Variants in MADD observed in about 807,000 individuals in gnomAD.
The protein encoded by MADD is MAP kinase activating death domain.
MADD carries 109 observed loss-of-function variants against 176.7 expected under a neutral mutation model. The observed-to-expected ratio is 0.62, with a 90% CI of 0.53 to 0.72. The LOEUF (loss-of-function observed/expected upper bound fraction) is 0.72, where lower values mean the gene tolerates loss of function less well. MADD is among the 30% of genes least tolerant of loss of function. The pLI, the probability that MADD is intolerant of heterozygous loss-of-function variation, is 0.00. For missense variants in MADD, 1,914 were observed against 2,045.5 expected, an observed-to-expected ratio of 0.94 and a Z score of 1.24; for synonymous variants, 771 against 771.3, an observed-to-expected ratio of 1.00 and a Z score of 0.01.
At chr11:47,274,741 C>A (rs747970711) in exon 3 of MADD, 1 of 1,614,116 alleles carries the variant, frequency 6.2e-7, no homozygotes, top group East Asian at 2.2e-5. Flanking sequence ...TGTCTTCACC[C>A]TCACTGACAA....
At chr11:47,294,021 T>C (rs2067882973) in intron 20 of MADD, 38 bp downstream of exon 22, 1 of 1,466,518 alleles carries the variant, frequency 6.8e-7, no homozygotes, top group African/African-American at 1.4e-5. Flanking sequence ...AAGTATTAAA[T>C]ATGCTGTCTC....
intron 24 of MADD, 26 bp downstream of exon 27, chr11:47,309,427 A>C (rs1474467073): frequency 1.2e-6 from 2 of 1,614,074 alleles, no homozygotes; most frequent in Middle Eastern, 1.7e-4. Context: ...AACCATTGGG[A>C]ATCAGCAAAC....
exon 33 of MADD, chr11:47,329,143 C>T (rs771868215): frequency 6.2e-7 from 1 of 1,613,842 alleles, no homozygotes; most frequent in South Asian, 1.1e-5. Context: ...CGGCCTGTCT[C>T]TAGCTGATGG....
intron 22 of MADD, among the ~76,000 whole-genome samples, chr11:47,297,938 A>C (rs1477393740): frequency 2.0e-5 from 3 of 147,178 alleles, no homozygotes; most frequent in Non-Finnish European, 4.5e-5. Context: ...ACAGGCGCCC[A>C]CCACCATGCC....
At position 47,282,842 on chromosome 11, in the gene MADD, A is replaced by T. The variant is rs1436951435; in HGVS notation, c.1735A>T (p.Lys579Ter). Reference sequence around the variant, plus strand: ...GTTTGATCCAGCCCTGATTGGTGACAAGCCAAAGTGGTATGCTCATCAGCT... The same window carrying T: ...GTTTGATCCAGCCCTGATTGGTGACTAGCCAAAGTGGTATGCTCATCAGCT... The change falls in exon 10 of 33, where the codon AAG (lysine) becomes TAG (stop). Residue 579 changes from lysine (K) to a stop codon, truncating the protein, a stop_gained. Transcript: ENST00000402192. LOFTEE classifies it high-confidence loss of function. 1.9e-6 allele frequency: 3 copies of T among 1,614,128 alleles called. No homozygotes were observed. Among genetic ancestry groups the T allele is most frequent in the Non-Finnish European group, 2.5e-6 (3 of 1,180,012 alleles).
In MADD at chr11:47,290,735, C is replaced by T. The variant is rs774147824; in HGVS notation, c.3220C>T (p.Arg1074Trp). Reference sequence around the variant, plus strand: ...ACTGAGAGTTCCACAACTGGGACCTCGGGCACCAAGTGCCACAGGAAAGGG... The same window carrying T: ...ACTGAGAGTTCCACAACTGGGACCTTGGGCACCAAGTGCCACAGGAAAGGG... Residue 1074 changes from arginine to tryptophan, a missense_variant, in exon 19 of 33, where the codon CGG (arginine) becomes TGG (tryptophan). Arg to Trp is a moderately radical substitution (Grantham distance 101, BLOSUM62 -3). Transcript: ENST00000402192. 43 of 1,613,980 alleles carry T rather than the reference C, an allele frequency of 2.7e-5. No homozygotes were observed. The highest frequency in any genetic ancestry group is 1.1e-4 in the South Asian group (10 of 91,088).
At chr11:47,323,675 G>A in exon 28 of MADD, 1 of 1,612,988 alleles carries the variant, frequency 6.2e-7, no homozygotes, top group Non-Finnish European at 8.5e-7. Context: ...CTCCAGGTGT[G>A]CGATGACTGT....
intron 20 of MADD, among the ~76,000 whole-genome samples, chr11:47,295,017 G>GTTTTTTTGT (rs1555055447): frequency 2.0e-5 from 3 of 146,588 alleles, no homozygotes; most frequent in Admixed American, 2.0e-4. Flanking sequence ...TTGTTTTTTT[G>GTTTTTTTGT]TTTTTTTTTT....
chr11:47,309,669 C>T, intron 25 of MADD, 57 bp downstream of exon 28: 2 of 1,361,032 alleles, frequency 1.5e-6, no homozygotes, highest in Non-Finnish European at 2.1e-6. Context: ...AAGGCTTGTT[C>T]CTGTCGCCTA....
rs367761107 is a variant in MADD at position 47,281,928 on chromosome 11, G to T, written c.1469+175G>T. ...CAGCTCACTGCAACTTCCACCTCCC[G>T]GGTTCAAGTGATTCTCCTGCCTCAG... On this transcript the variant is annotated intron_variant, in intron 8 of 32. Transcript: ENST00000402192. Among the ~76,000 whole-genome samples, 380 of 131,688 alleles carry T rather than the reference G, an allele frequency of 2.9e-3. 4 individuals carry two copies. Among genetic ancestry groups the T allele is most frequent in the African/African-American group, 0.01 (359 of 34,832 alleles). 86.4% of individuals were successfully genotyped at this position (131,688 alleles called of 152,430 possible).
Position 47,323,956 on chromosome 11 carries a change from T to TCTCCAGC in MADD, c.4362+121_4362+122insCTCCAGC, listed in dbSNP as rs2094988077. The TCTCCAGC allele has an allele frequency of 2.7e-6, 3 of 1,109,784 alleles. No homozygotes were observed. In the South Asian group the frequency reaches 4.6e-5, roughly 17 times the overall value. 68.7% of individuals were successfully genotyped at this position (1,109,784 alleles called of 1,614,324 possible). The stretch of plus-strand genomic sequence containing the variant: ...GGAGCCACACTTCTGTCTCCAGCTG[T>TCTCCAGC]TGGGTGGAGTACCTAAAGCTGTCTC... On this transcript the variant is annotated intron_variant, in intron 28 of 32. Coordinates refer to ENST00000402192, the Ensembl canonical transcript of MADD.
chr11:47,309,645 G>T (rs1410305178), intron 25 of MADD, 33 bp downstream of exon 28: 4 of 1,521,340 alleles, frequency 2.6e-6, no homozygotes, highest in Middle Eastern at 1.7e-4. Flanking sequence ...CAGCTCCGCT[G>T]ATCCTAGAGG....
chr11:47,292,500 G>C (rs1427977166), intron 19 of MADD, 43 bp from the exon 21 acceptor site: 1 of 1,596,722 alleles, frequency 6.3e-7, no homozygotes, highest in Admixed American at 1.7e-5. Context: ...ACCAGCCTCT[G>C]ACTTTCTGTC....
chr11:47,271,641 G>T (rs1334651038), intron 1 of MADD, among the ~76,000 whole-genome samples: 1 of 152,104 alleles, frequency 6.6e-6, no homozygotes, highest in African/African-American at 2.4e-5. Context: ...AACATAGATT[G>T]CAAGGTGTAG....
intron 12 of MADD, 58 bp downstream of exon 12, chr11:47,284,623 T>C: frequency 1.3e-6 from 2 of 1,569,160 alleles, no homozygotes; most frequent in East Asian, 2.3e-5. Flanking sequence ...GCCTCATCTA[T>C]TAGGAAAGCC....
At position 47,282,979 on chromosome 11, in the gene MADD, C is replaced by T. The variant is rs748618974; in HGVS notation, c.1862+10C>T. 1.2e-6 allele frequency: 2 copies of T among 1,609,978 alleles called. No homozygotes were observed. Among genetic ancestry groups the T allele is most frequent in the Middle Eastern group, 1.9e-4 (1 of 5,376 alleles). ...AACCTACTGATGATAGGTGAGCATC[C>T]TTAGGGCAGCAAAAAGGTTTTAAAG... On this transcript the variant is annotated intron_variant, in intron 10 of 32. Coordinates refer to ENST00000402192, the Ensembl canonical transcript of MADD.
chr11:47,269,724 C>G (rs941897756), upstream of MADD: 46 of 152,014 alleles, frequency 3.0e-4, no homozygotes, highest in African/African-American at 1.1e-3. Flanking sequence ...GGCTTCCCTG[C>G]TCGGACGCCG....
At position 47,297,762 on chromosome 11, in the gene MADD, G is replaced by C. The variant is rs547113398; in HGVS notation, c.3642+1707G>C. Reference sequence around the variant, plus strand: ...CTCCCGGCCAAGGGTTTTCAATAATGTTTTCTTTTCTTTTCTTTCTTTCTT... The same window carrying C: ...CTCCCGGCCAAGGGTTTTCAATAATCTTTTCTTTTCTTTTCTTTCTTTCTT... On this transcript the variant is annotated intron_variant, in intron 22 of 32. Transcript: ENST00000402192. 4.5e-3 allele frequency among the ~76,000 whole-genome samples: 607 copies of C among 136,232 alleles called. 2 individuals are homozygous for C. Among genetic ancestry groups the C allele is most frequent in the African/African-American group, 0.016 (594 of 36,736 alleles). 89.4% of individuals were successfully genotyped at this position (136,232 alleles called of 152,430 possible).
At chr11:47,290,869 C>T in intron 19 of MADD, 53 bp downstream of exon 20, 1 of 1,388,472 alleles carries the variant, frequency 7.2e-7, no homozygotes, top group Non-Finnish European at 1.0e-6. Context: ...CTTAAATATC[C>T]CTTTCTCCTC....
Sources: gnomAD v4.1 joint callset for allele counts (sites outside exome capture counted in the v4.1 genomes callset) on GRCh38, gnomAD v4.1.1 for gene constraint, MANE v1.5 for transcripts, NCBI Gene and HGNC (gene_info 2026-07-23, HGNC 2026-07-21) for gene names.